Variants in GSDME observed in about 807,000 individuals in gnomAD.
GSDME encodes the protein gasdermin E.
Under a neutral mutation model 47.5 loss-of-function variants are expected in GSDME, and 44 were observed. The observed-to-expected ratio is 0.93, with a 90% CI of 0.73 to 1.19. The LOEUF (loss-of-function observed/expected upper bound fraction) is 1.19. Among genes scored for constraint, GSDME ranks in the 50% most tolerant of loss-of-function variants. The pLI is 0.00. For missense variants in GSDME, 663 were observed against 604.2 expected, an observed-to-expected ratio of 1.10 and a Z score of -1.02; for synonymous variants, 258 against 252.8, an observed-to-expected ratio of 1.02 and a Z score of -0.20.
chr7:24,711,382 AC>A (rs1313569825), intron 5 of GSDME, among the ~76,000 whole-genome samples: 1 of 151,940 alleles, frequency 6.6e-6, no homozygotes, highest in Non-Finnish European at 1.5e-5. Flanking sequence ...CTGCCACCAC[AC>A]CTGGCTAATT....
chr7:24,702,909 C>T, intron 8 of GSDME, 76 bp from the exon 9 acceptor site: 1 of 1,287,066 alleles, frequency 7.8e-7, no homozygotes, highest in Non-Finnish European at 1.1e-6. Flanking sequence ...TGGATGGCAC[C>T]TAACTTATAT....
Position 24,707,473 on chromosome 7 carries a change from T to C in GSDME, c.990+654A>G, listed in dbSNP as rs564903569. On this transcript the variant is annotated intron_variant, in intron 7 of 9. Coordinates refer to ENST00000645220, the MANE Select transcript of GSDME (RefSeq NM_001127453.2). ...AGCCTATTTATTTCTCTGTTCTAAA[T>C]GGAACAGGCTGACTTTATAGATTCC... The C allele has an allele frequency of 1.3e-4, 59 of 469,094 alleles. 1 individual carries two copies. The highest frequency in any genetic ancestry group is 8.9e-4 in the South Asian group (57 of 64,384). 29.1% of individuals were successfully genotyped at this position (469,094 alleles called of 1,614,324 possible). A position where few individuals can be genotyped will look rare whatever the true frequency, so the allele number is the denominator to read the frequency against.
the GSDME span, among the ~76,000 whole-genome samples, chr7:24,769,203 T>C: frequency 6.6e-6 from 1 of 152,116 alleles, no homozygotes; most frequent in Non-Finnish European, 1.5e-5. Context: ...GACTCACAAC[T>C]TACCAGAGCA....
At chr7:24,743,716 T>A (rs866250557) in intron 3 of GSDME, among the ~76,000 whole-genome samples, 1 of 152,254 alleles carries the variant, frequency 6.6e-6, no homozygotes, top group South Asian at 2.1e-4. Flanking sequence ...GCCCACAGCG[T>A]CCTGCCCAGA....
the GSDME span, among the ~76,000 whole-genome samples, chr7:24,763,719 C>T: frequency 3.3e-5 from 5 of 152,178 alleles, no homozygotes; most frequent in Non-Finnish European, 5.9e-5. This position sits in a 1 kb window ranked among gnomAD's most constrained non-coding sequence, Gnocchi z 4.3. Context: ...CTTCCTTTGG[C>T]CAGAAATCAG....
intron 2 of GSDME, 89 bp downstream of exon 2, chr7:24,749,475 A>G: frequency 8.7e-7 from 1 of 1,148,138 alleles, no homozygotes; most frequent in South Asian, 1.3e-5. Context: ...GCACTCCAGC[A>G]TGGGCGACAG....
At chr7:24,785,313 T>C in the GSDME span, among the ~76,000 whole-genome samples, 4 of 152,216 alleles carry the variant, frequency 2.6e-5, no homozygotes, top group Non-Finnish European at 4.4e-5. Context: ...TGAGTTGCAA[T>C]TTCACTATTT....
At chr7:24,729,510 G>A (rs1271135797) in intron 3 of GSDME, among the ~76,000 whole-genome samples, 1 of 152,234 alleles carries the variant, frequency 6.6e-6, no homozygotes, top group Non-Finnish European at 1.5e-5. Context: ...GGCGTGGTTA[G>A]TATGCCACCA....
the GSDME span, among the ~76,000 whole-genome samples, chr7:24,767,302 T>C: frequency 3.3e-5 from 5 of 152,110 alleles, no homozygotes; most frequent in East Asian, 9.6e-4. This position sits in a 1 kb window ranked among gnomAD's most constrained non-coding sequence, Gnocchi z 5.3. Context: ...CCGGCCTGGG[T>C]GACAAAGTTA....
At chr7:24,758,852 T>A (rs1791117863), upstream of GSDME, among the ~76,000 whole-genome samples, 1 of 152,194 alleles carries the variant, frequency 6.6e-6, no homozygotes, top group Non-Finnish European at 1.5e-5. The surrounding 1 kb of genome is among the most constrained non-coding windows in gnomAD (Gnocchi z 4.6). Context: ...CTGTAAAATG[T>A]CAGCAGCATG....
intron 7 of GSDME, 153 bp downstream of exon 7, chr7:24,707,974 G>A (rs866869064): frequency 3.4e-6 from 3 of 892,816 alleles, no homozygotes; most frequent in South Asian, 1.7e-5. Flanking sequence ...CTACCTGTCT[G>A]CACTTAGAAA....
chr7:24,773,465 A>T, the GSDME span, among the ~76,000 whole-genome samples: 1 of 152,220 alleles, frequency 6.6e-6, no homozygotes, highest in Non-Finnish European at 1.5e-5. The surrounding 1 kb of genome is among the most constrained non-coding windows in gnomAD (Gnocchi z 5.4). Flanking sequence ...CATTTTAATT[A>T]TATTCCTATT....
Position 24,735,167 on chromosome 7 carries a change from AC to A in GSDME, c.404+9394del, listed in dbSNP as rs1289427455. Among the ~76,000 whole-genome samples, 11 of 152,362 alleles carry A rather than the reference AC, an allele frequency of 7.2e-5. No individual in the cohort carries two copies. Among genetic ancestry groups the A allele is most frequent in the African/African-American group, 2.6e-4 (11 of 41,574 alleles). ...ATATCTAAAGTGCTGAAGGAAAAAAACGTTTACACTAGAATAGTATATTCAG... is the reference window on the plus strand; with the variant it reads ...ATATCTAAAGTGCTGAAGGAAAAAAAGTTTACACTAGAATAGTATATTCAG... On this transcript the variant is annotated intron_variant, in intron 3 of 9. Coordinates refer to ENST00000645220, the MANE Select transcript of GSDME (RefSeq NM_001127453.2). This position sits in a 1 kb window ranked among gnomAD's most constrained non-coding sequence, Gnocchi z 4.4.
intron 1 of GSDME, among the ~76,000 whole-genome samples, chr7:24,755,796 C>T (rs913632251): frequency 4.6e-5 from 7 of 152,126 alleles, no homozygotes; most frequent in African/African-American, 1.7e-4. Context: ...AAGAAAGTGC[C>T]CTTGAAAAAG....
At chr7:24,713,249 CG>C (rs1393318011) in intron 5 of GSDME, among the ~76,000 whole-genome samples, 1 of 152,060 alleles carries the variant, frequency 6.6e-6, no homozygotes, top group East Asian at 1.9e-4. Context: ...TGTCCTGTGT[CG>C]GGAGACACGG....
rs1789980208 is a variant in GSDME at position 24,726,751 on chromosome 7, G to A, written c.405-7533C>T. Among the ~76,000 whole-genome samples the A allele has an allele frequency of 1.3e-5, 2 of 150,780 alleles. No homozygotes were observed. ...TAACCCGGGAGGTGGAACTTGCAGTGAGCCGAGATCGCCCACTGCACTCCA... is the reference window on the plus strand; with the variant it reads ...TAACCCGGGAGGTGGAACTTGCAGTAAGCCGAGATCGCCCACTGCACTCCA... On this transcript the variant is annotated intron_variant, in intron 3 of 9. Coordinates refer to ENST00000645220, the MANE Select transcript of GSDME (RefSeq NM_001127453.2). The surrounding 1 kb of genome is among the most constrained non-coding windows in gnomAD (Gnocchi z 5.6).
At position 24,742,415 on chromosome 7, in the gene GSDME, T is replaced by A. The variant is rs1790520948; in HGVS notation, c.404+2147A>T. On this transcript the variant is annotated intron_variant, in intron 3 of 9. Transcript: ENST00000645220. This position sits in a 1 kb window ranked among gnomAD's most constrained non-coding sequence, Gnocchi z 4.4. ...TGTGCAGAGTTAAGGAGAGGCTACA[T>A]ATAAAGTGCCTGGCACACAGTAGGT... is the stretch of plus-strand genomic sequence containing the variant. Among the ~76,000 whole-genome samples, 1 of 152,162 alleles carries A rather than the reference T, an allele frequency of 6.6e-6. No individual in the cohort carries two copies. The highest frequency in any genetic ancestry group is 2.1e-4 in the South Asian group (1 of 4,818).
intron 3 of GSDME, among the ~76,000 whole-genome samples, chr7:24,741,554 T>C (rs1790492463): frequency 6.6e-6 from 1 of 152,210 alleles, no homozygotes; most frequent in Admixed American, 6.5e-5. Flanking sequence ...AGTTTGTTTT[T>C]GATATGTGCA....
chr7:24,707,902 T>TAAAA (rs773934746), intron 7 of GSDME: 1 of 591,882 alleles, frequency 1.7e-6, no homozygotes, highest in African/African-American at 1.9e-5. Context: ...CCTGGTTTTT[T>TAAAA]AAGCCCTCAG....
Sources: allele counts gnomAD v4.1 joint callset (sites outside exome capture counted in the v4.1 genomes callset), GRCh38; gene constraint gnomAD v4.1.1; non-coding constraint Gnocchi (gnomAD v3.1); transcripts MANE v1.5; gene names NCBI Gene and HGNC (gene_info 2026-07-23, HGNC 2026-07-21).